CDH12: variants seen among roughly 807,000 people sequenced by gnomAD.
The protein encoded by CDH12 is cadherin 12, also known as cadherin-12.
In CDH12, 41 loss-of-function variants were observed where a neutral mutation model predicts 74.1. That is an observed-to-expected ratio of 0.55 (90% CI 0.43 to 0.72). CDH12 has a LOEUF of 0.72. Among genes scored for constraint, CDH12 ranks in the 30% least tolerant of loss-of-function variants. The pLI, the probability that CDH12 is intolerant of heterozygous loss-of-function variation, is 0.00. For missense variants in CDH12, 945 were observed against 977.2 expected, an observed-to-expected ratio of 0.97 and a Z score of 0.44; for synonymous variants, 399 against 355.0, an observed-to-expected ratio of 1.12 and a Z score of -1.39.
intron 6 of CDH12, among the ~76,000 whole-genome samples, chr5:21,913,083 T>C (rs546731081): frequency 7.1e-4 from 108 of 152,272 alleles, no homozygotes; most frequent in African/African-American, 2.4e-3. Flanking sequence ...CCTCATGTGA[T>C]CTGCCGGCCT....
chr5:22,412,484 C>A (rs1743205987), intron 2 of CDH12, among the ~76,000 whole-genome samples: 1 of 151,858 alleles, frequency 6.6e-6, no homozygotes, highest in Admixed American at 6.6e-5. Flanking sequence ...CCTCCATAAG[C>A]TAAACACTTT....
At chr5:21,925,951 AG>A (rs1398623265) in intron 6 of CDH12, among the ~76,000 whole-genome samples, 1 of 151,814 alleles carries the variant, frequency 6.6e-6, no homozygotes, top group Non-Finnish European at 1.5e-5. Flanking sequence ...TAAAAAAAAA[AG>A]AAATGATTTC....
chr5:22,047,304 T>C (rs1490605617), intron 5 of CDH12, among the ~76,000 whole-genome samples: 1 of 152,178 alleles, frequency 6.6e-6, no homozygotes, highest in African/African-American at 2.4e-5. Context: ...GACCCTTGTT[T>C]GTTTTCTTAT....
intron 1 of CDH12, among the ~76,000 whole-genome samples, chr5:22,757,201 A>C (rs1008672805): frequency 6.6e-6 from 1 of 152,132 alleles, no homozygotes; most frequent in African/African-American, 2.4e-5. Flanking sequence ...TCTCTTGAAG[A>C]TGGTAGAGCA....
chr5:21,874,340 G>A (rs1053818873), intron 6 of CDH12, among the ~76,000 whole-genome samples: 4 of 152,124 alleles, frequency 2.6e-5, no homozygotes, highest in Non-Finnish European at 5.9e-5. Flanking sequence ...GGATTTCCTA[G>A]GCTGACTAAG....
intron 8 of CDH12, among the ~76,000 whole-genome samples, chr5:21,828,152 T>A (rs1049325599): frequency 1.3e-5 from 2 of 151,576 alleles, no homozygotes; most frequent in African/African-American, 4.9e-5. Flanking sequence ...AGATGGAGTC[T>A]CACTCTGTTG....
chr5:22,688,721 T>C (rs1021725307), intron 1 of CDH12, among the ~76,000 whole-genome samples: 1 of 152,032 alleles, frequency 6.6e-6, no homozygotes, highest in South Asian at 2.1e-4. Flanking sequence ...TAATAGGATG[T>C]TGTATAACTT....
intron 1 of CDH12, among the ~76,000 whole-genome samples, chr5:22,605,604 G>T (rs748304708): frequency 3.3e-5 from 5 of 152,154 alleles, no homozygotes; most frequent in Admixed American, 6.5e-5. Context: ...TGAAGGCCTG[G>T]TCCAGGGTCT....
intron 7 of CDH12, among the ~76,000 whole-genome samples, chr5:21,849,394 A>G (rs1046593454): frequency 6.6e-6 from 1 of 151,898 alleles, no homozygotes; most frequent in African/African-American, 2.4e-5. Flanking sequence ...GCAGAATACA[A>G]GAAAATGATT....
At chr5:21,792,858 T>G (rs1249576742) in intron 10 of CDH12, among the ~76,000 whole-genome samples, 1 of 151,784 alleles carries the variant, frequency 6.6e-6, no homozygotes, top group Non-Finnish European at 1.5e-5. Context: ...TTTAGACAAA[T>G]AATGATTAAG....
At chr5:22,230,218 C>T (rs1038539261) in intron 3 of CDH12, among the ~76,000 whole-genome samples, 1 of 152,082 alleles carries the variant, frequency 6.6e-6, no homozygotes, top group African/African-American at 2.4e-5. Flanking sequence ...AGACAAACTA[C>T]TACTTTTTAT....
At chr5:22,490,843 G>T (rs1746832166) in intron 2 of CDH12, among the ~76,000 whole-genome samples, 1 of 152,188 alleles carries the variant, frequency 6.6e-6, no homozygotes, top group Non-Finnish European at 1.5e-5. Context: ...TTTGAGAGAT[G>T]CAGTCAACAC....
At chr5:22,501,222 T>G (rs1221981572) in intron 2 of CDH12, among the ~76,000 whole-genome samples, 1 of 152,194 alleles carries the variant, frequency 6.6e-6, no homozygotes, top group Non-Finnish European at 1.5e-5. Context: ...TAAATGACCT[T>G]TGTGTCTCTT....
chr5:22,086,383 C>T (rs1344341037), intron 4 of CDH12, among the ~76,000 whole-genome samples: 1 of 151,928 alleles, frequency 6.6e-6, no homozygotes, highest in Non-Finnish European at 1.5e-5. Context: ...CTCACTCTGT[C>T]ACCCGGGCTG....
At chr5:22,675,371 T>A (rs1484802047) in intron 1 of CDH12, among the ~76,000 whole-genome samples, 1 of 152,060 alleles carries the variant, frequency 6.6e-6, no homozygotes, top group East Asian at 1.9e-4. Context: ...AGAATTGAGG[T>A]TTGGGAACAT....
At chr5:22,325,535 G>T (rs1256740631) in intron 3 of CDH12, among the ~76,000 whole-genome samples, 1 of 151,496 alleles carries the variant, frequency 6.6e-6, no homozygotes, top group African/African-American at 2.4e-5. Flanking sequence ...CCACAGTTTA[G>T]AAAGTAGAAC....
Position 21,971,731 on chromosome 5 carries a change from T to C in CDH12, c.526+3360A>G, listed in dbSNP as rs565192581. Among the ~76,000 whole-genome samples the C allele has an allele frequency of 9.9e-5, 15 of 152,278 alleles. No homozygotes were observed. The East Asian group carries it at 2.9e-3, about 29-fold the overall frequency. ...ATAATTTATTGTTGCTCTAGTGATCTTAAAGAATTAAGTCCACATTCATAA... is the reference window on the plus strand; with the variant it reads ...ATAATTTATTGTTGCTCTAGTGATCCTAAAGAATTAAGTCCACATTCATAA... On this transcript the variant is annotated intron_variant, in intron 6 of 14. Coordinates refer to ENST00000382254, the MANE Select transcript of CDH12 (RefSeq NM_004061.5).
intron 1 of CDH12, among the ~76,000 whole-genome samples, chr5:22,841,684 G>A (rs1165375342): frequency 6.6e-6 from 1 of 152,180 alleles, no homozygotes; most frequent in Non-Finnish European, 1.5e-5. Context: ...AATAGCTAGT[G>A]AGGCAAAAGG....
At chr5:21,837,900 C>T (rs944010229) in intron 8 of CDH12, among the ~76,000 whole-genome samples, 3 of 152,040 alleles carry the variant, frequency 2.0e-5, no homozygotes, top group African/African-American at 7.2e-5. Flanking sequence ...TCATGTAATA[C>T]AAGCAGAAAA....
Sources: allele counts gnomAD v4.1 joint callset (sites outside exome capture counted in the v4.1 genomes callset), GRCh38; gene constraint gnomAD v4.1.1; transcripts MANE v1.5; gene names NCBI Gene and HGNC (gene_info 2026-07-23, HGNC 2026-07-21).